CYP4F11: variants seen among roughly 807,000 people sequenced by gnomAD.
CYP4F11 encodes the protein cytochrome P450 family 4 subfamily F member 11, also known as cytochrome P450 4F11.
In CYP4F11, 79 loss-of-function variants were observed where a neutral mutation model predicts 62.2. The observed-to-expected ratio is 1.27, with a 90% CI of 1.06 to 1.53. The LOEUF is 1.53. CYP4F11 is among the 40% of genes most tolerant of loss of function. CYP4F11 has a pLI of 0.00. For synonymous variants in CYP4F11, 290 were observed against 263.7 expected, an observed-to-expected ratio of 1.10 and a Z score of -0.97; for missense variants, 777 against 680.5, an observed-to-expected ratio of 1.14 and a Z score of -1.58.
rs768110829 is a variant in CYP4F11 at position 15,927,328 on chromosome 19, G to A, written c.409C>T (p.Leu137=). The change falls in exon 4 of 12, where the codon CTG becomes TTG. Residue 137 remains leucine (L), a synonymous_variant. Transcript: ENST00000402119. ...FLKPWLGDGL[L]LSGGDKWSRH... is the part of the protein sequence containing the mutation. ...CTCCACTTGTCACCACCACTCAGCA[G>A]GAGCCCATCCCCTGGCAGGGCAACC... 5.6e-6 allele frequency: 9 copies of A among 1,614,104 alleles called. No homozygotes were observed. In the Admixed American group the frequency reaches 1.2e-4, roughly 21 times the overall value.
At position 15,934,295 on chromosome 19, in the gene CYP4F11, G is replaced by C. The variant is rs750210698; in HGVS notation, c.114C>G (p.Thr38=). Residue 38 remains threonine (T), a synonymous_variant, in exon 1 of 12, where the codon ACC becomes ACG. Transcript: ENST00000402119. ...SWLLARVLAW[T]YTFYDNCRRL... Reference sequence around the variant, plus strand: ...GGCGGCAGTTGTCATAGAAGGTGTAGGTCCAGGCCAGGACGCGGGCCAGGA... The same window carrying C: ...GGCGGCAGTTGTCATAGAAGGTGTACGTCCAGGCCAGGACGCGGGCCAGGA... 2 of 1,613,822 alleles carry C rather than the reference G, an allele frequency of 1.2e-6. No homozygotes were observed. Among genetic ancestry groups the C allele is most frequent in the Non-Finnish European group, 1.7e-6 (2 of 1,179,844 alleles).
chr19:15,927,527 A>T, intron 2 of CYP4F11, 44 bp from the exon 3 acceptor site: 1 of 1,611,348 alleles, frequency 6.2e-7, no homozygotes, highest in Non-Finnish European at 8.5e-7. Context: ...GAGGGGTGAG[A>T]GAAGGACTTT....
Position 15,929,409 on chromosome 19 carries a change from G to C in CYP4F11, c.343+48C>G, listed in dbSNP as rs376145500. Reference sequence around the variant, plus strand: ...GCTTGGGGAGGGGAGAGGCTAGAAGGCCTTTGATGTTTCCCAGCCCCCACT... The same window carrying C: ...GCTTGGGGAGGGGAGAGGCTAGAAGCCCTTTGATGTTTCCCAGCCCCCACT... On this transcript the variant is annotated intron_variant, in intron 2 of 11. Transcript: ENST00000402119. The C allele has an allele frequency of 5.0e-6, 8 of 1,612,282 alleles. No homozygotes were observed. In the African/African-American group the frequency reaches 1.1e-4, roughly 22 times the overall value.
intron 2 of CYP4F11, chr19:15,927,708 G>A (rs4808412): frequency 8.6e-5 from 51 of 591,948 alleles, no homozygotes; most frequent in Non-Finnish European, 1.5e-4. Context: ...CCAGCACACA[G>A]TGACATATCT....
chr19:15,927,088 G>A (rs2089674360), intron 4 of CYP4F11, 124 bp downstream of exon 4: 2 of 1,153,172 alleles, frequency 1.7e-6, no homozygotes, highest in East Asian at 4.9e-5. Flanking sequence ...TTTACAGATA[G>A]GGAAACCAAG....
intron 5 of CYP4F11, among the ~76,000 whole-genome samples, chr19:15,924,373 C>G (rs984604620): frequency 2.6e-5 from 4 of 152,188 alleles, no homozygotes; most frequent in Non-Finnish European, 2.9e-5. Flanking sequence ...TCACTGTCTT[C>G]CAGCTCTTTC....
intron 7 of CYP4F11, 73 bp downstream of exon 7, chr19:15,922,291 C>G (rs1022414466): frequency 5.0e-6 from 8 of 1,608,028 alleles, no homozygotes; most frequent in Non-Finnish European, 6.8e-6. Flanking sequence ...TTAAGTGATC[C>G]AGGGTCCACC....
chr19:15,926,162 A>G lies in CYP4F11; in HGVS notation c.525+1050T>C, dbSNP rs969321612. The stretch of plus-strand genomic sequence containing the variant: ...CTGAGTGACAGAGTGAGACTCCAGA[A>G]AAAAAAAAAAAAGAAAGCAGATTCC... On this transcript the variant is annotated intron_variant, in intron 4 of 11. Transcript: ENST00000402119. 9.3e-4 allele frequency among the ~76,000 whole-genome samples: 6 copies of G among 6,418 alleles called. No homozygotes were observed. In the East Asian group the frequency reaches 0.5, roughly 535 times the overall value. The allele number at this position is 6,418 out of a possible 152,430, so 4.2% of individuals were successfully genotyped here. A position where few individuals can be genotyped will look rare whatever the true frequency, so the allele number is the denominator to read the frequency against.
chr19:15,924,651 C>G, intron 5 of CYP4F11, 110 bp downstream of exon 5: 1 of 1,336,420 alleles, frequency 7.5e-7, no homozygotes, highest in Non-Finnish European at 1.0e-6. Flanking sequence ...CTATGACACA[C>G]AGAAAGTGCC....
rs75353107 is a variant in CYP4F11 at position 15,934,517 on chromosome 19, C to G, written c.-109G>C. The G allele has an allele frequency of 1.5e-3, 1,972 of 1,319,356 alleles. 48 individuals carry two copies. In the East Asian group the frequency reaches 0.044, roughly 29 times the overall value. 81.7% of individuals were successfully genotyped at this position (1,319,356 alleles called of 1,614,324 possible). A position where few individuals can be genotyped will look rare whatever the true frequency, so the allele number is the denominator to read the frequency against. ...AGGATGGGCAGTGCTGGAGGCAGAT[C>G]AGGGAAGGCTCTGAGATGGGTAAAC... On this transcript the variant is annotated 5_prime_UTR_variant, in exon 1 of 12. Transcript: ENST00000402119.
chr19:15,931,545 G>GAGAGGAATGAGTGAGTGAGA (rs1568257276), intron 1 of CYP4F11, among the ~76,000 whole-genome samples: 3 of 98,538 alleles, frequency 3.0e-5, no homozygotes, highest in East Asian at 2.9e-4. Flanking sequence ...AGTGAGCGGG[G>GAGAGGAATGAGTGAGTGAGA]AGAGGAATGA....
upstream of CYP4F11, chr19:15,934,634 T>G: frequency 2.0e-6 from 1 of 506,826 alleles, no homozygotes. Flanking sequence ...AGAGAGAGGC[T>G]GATTAGAATC....
At position 15,913,103 on chromosome 19, in the gene CYP4F11, CAG is replaced by C. The variant is rs1403228618; in HGVS notation, c.*627_*628del. Reference sequence around the variant, plus strand: ...TTATATGGTTGAGGGAACCGAGGCACAGAGAGAGGAATTAACTTGCTCAAGTC... The same window carrying C: ...TTATATGGTTGAGGGAACCGAGGCACAGAGAGGAATTAACTTGCTCAAGTC... On this transcript the variant is annotated 3_prime_UTR_variant, in exon 12 of 12. Transcript: ENST00000402119. 1 of 156,478 alleles carries C rather than the reference CAG, an allele frequency of 6.4e-6. No homozygotes were observed. Among genetic ancestry groups the C allele is most frequent in the East Asian group, 1.9e-4 (1 of 5,156 alleles). 9.7% of individuals were successfully genotyped at this position (156,478 alleles called of 1,614,324 possible). A position where few individuals can be genotyped will look rare whatever the true frequency, so the allele number is the denominator to read the frequency against.
intron 1 of CYP4F11, among the ~76,000 whole-genome samples, chr19:15,931,421 G>A (rs527363213): frequency 1.3e-5 from 2 of 151,984 alleles, no homozygotes; most frequent in East Asian, 1.9e-4. Flanking sequence ...ACTCCCACAG[G>A]AGACCCTCAG....
chr19:15,918,895 G>C (rs1217781884), intron 8 of CYP4F11, among the ~76,000 whole-genome samples: 1 of 149,476 alleles, frequency 6.7e-6, no homozygotes, highest in Non-Finnish European at 1.5e-5. Flanking sequence ...TTTCAACAAA[G>C]GTGTGAAACA....
Position 15,922,090 on chromosome 19 carries a change from G to T in CYP4F11, c.1062C>A (p.Cys354Ter). 1 of 1,614,028 alleles carries T rather than the reference G, an allele frequency of 6.2e-7. No homozygotes were observed. The highest frequency in any genetic ancestry group is 2.2e-5 in the East Asian group (1 of 44,876). Residue 354 changes from cysteine to a stop codon, truncating the protein, a stop_gained, in exon 8 of 12, where the codon TGC becomes TGA. Transcript: ENST00000402119. LOFTEE classifies it high-confidence loss of function. ...LAKHPEYQEQ[C>*]RQEVQELLKD... ...TCAGAAGCTCTTGCACTTCTTGCCG[G>T]CACTGTTCCTGGTATTCTGGGTGCT...
At chr19:15,926,645 GA>G (rs1199582478) in intron 4 of CYP4F11, among the ~76,000 whole-genome samples, 1 of 152,214 alleles carries the variant, frequency 6.6e-6, no homozygotes, top group African/African-American at 2.4e-5. Context: ...TGTGCCATGT[GA>G]ACAGCAGGGT....
Position 15,927,414 on chromosome 19 carries a change from C to T in CYP4F11, c.397+16G>A. ...CCTAAAGGATATCCCCAACCCCATT[C>T]ACCTCAATTACTCACCCAGCCAGGG... On this transcript the variant is annotated intron_variant, in intron 3 of 11. Coordinates refer to ENST00000402119, the MANE Select transcript of CYP4F11 (RefSeq NM_021187.4). 1.2e-6 allele frequency: 2 copies of T among 1,614,152 alleles called. No individual in the cohort carries two copies. The highest frequency in any genetic ancestry group is 1.7e-6 in the Non-Finnish European group (2 of 1,180,002).
In CYP4F11 at chr19:15,934,509, A is replaced by G. The variant is rs2089762447; in HGVS notation, c.-101T>C. 2 of 1,379,420 alleles carry G rather than the reference A, an allele frequency of 1.4e-6. No individual in the cohort carries two copies. The highest frequency in any genetic ancestry group is 5.3e-5 in the Admixed American group (2 of 37,982). 85.4% of individuals were successfully genotyped at this position (1,379,420 alleles called of 1,614,324 possible). A position where few individuals can be genotyped will look rare whatever the true frequency, so the allele number is the denominator to read the frequency against. ...AAGGGGCAAGGATGGGCAGTGCTGG[A>G]GGCAGATCAGGGAAGGCTCTGAGAT... is the stretch of plus-strand genomic sequence containing the variant. On this transcript the variant is annotated 5_prime_UTR_variant, in exon 1 of 12. Transcript: ENST00000402119.
Sources: gnomAD v4.1 joint callset for allele counts (sites outside exome capture counted in the v4.1 genomes callset) on GRCh38, gnomAD v4.1.1 for gene constraint, MANE v1.5 for transcripts, NCBI Gene and HGNC (gene_info 2026-07-23, HGNC 2026-07-21) for gene names.